Variants in EXOC7 observed in about 807,000 individuals in gnomAD.
The protein encoded by EXOC7 is exocyst complex component 7.
A neutral mutation model predicts 87.6 loss-of-function variants in EXOC7; 51 were observed. That is an observed-to-expected ratio of 0.58 (90% confidence interval 0.46 to 0.73). The LOEUF (loss-of-function observed/expected upper bound fraction) is 0.73. Among genes scored for constraint, EXOC7 ranks in the 30% least tolerant of loss-of-function variants. The pLI, the probability that EXOC7 is intolerant of heterozygous loss-of-function variation, is 0.00. For synonymous variants in EXOC7, 327 were observed against 357.1 expected, an observed-to-expected ratio of 0.92 and a Z score of 0.95; for missense variants, 744 against 888.4, an observed-to-expected ratio of 0.84 and a Z score of 2.07.
chr17:76,095,252 G>A (rs984610259), intron 5 of EXOC7, among the ~76,000 whole-genome samples: 3 of 151,242 alleles, frequency 2.0e-5, no homozygotes, highest in African/African-American at 4.9e-5. Flanking sequence ...ATGAGCCACC[G>A]CCCAGCCCTA....
In EXOC7 at chr17:76,103,357, T is replaced by A. The variant is rs1394467345; in HGVS notation, c.126+4A>T. ...CCCTCTCCCCCAGCTGCGGGGAGAC[T>A]CACCATGTTCTTAGTGAGCTGGTCG... On this transcript the variant is annotated splice_donor_region_variant and intron_variant, in intron 2 of 18. Transcript: ENST00000589210. 1.3e-6 allele frequency: 2 copies of A among 1,596,234 alleles called. No individual in the cohort carries two copies. The highest frequency in any genetic ancestry group is 3.5e-5 in the Admixed American group (2 of 57,642).
In EXOC7 at chr17:76,089,127, A is replaced by G. The variant is rs776964554; in HGVS notation, c.1047+48T>C. ...TTGAGGGCTGCAAGAGTCTGTTGTGACAGCTCTTGCTGGGGCTGGCTGCAG... is the reference window on the plus strand; with the variant it reads ...TTGAGGGCTGCAAGAGTCTGTTGTGGCAGCTCTTGCTGGGGCTGGCTGCAG... On this transcript the variant is annotated intron_variant, in intron 8 of 18. Coordinates refer to ENST00000589210, the MANE Select transcript of EXOC7 (RefSeq NM_001013839.4). 14 of 1,607,296 alleles carry G rather than the reference A, an allele frequency of 8.7e-6. No individual in the cohort carries two copies. The African/African-American group carries it at 1.9e-4, about 21-fold the overall frequency.
Position 76,103,446 on chromosome 17 carries a change from G to C in EXOC7, c.61-20C>G, listed in dbSNP as rs746426282. 13 of 1,589,182 alleles carry C rather than the reference G, an allele frequency of 8.2e-6. No individual in the cohort carries two copies. The African/African-American group carries it at 9.4e-5, about 11-fold the overall frequency. On this transcript the variant is annotated intron_variant, in intron 1 of 18. Transcript: ENST00000589210. Reference sequence around the variant, plus strand: ...CTCCTCCTGGGGGCAGGCAAGGGGAGGACATCACCAGAAACCAGAAGCTAA... The same window carrying C: ...CTCCTCCTGGGGGCAGGCAAGGGGACGACATCACCAGAAACCAGAAGCTAA...
chr17:76,082,633 G>A lies in EXOC7; in HGVS notation c.*1015C>T. 1.2e-6 allele frequency: 2 copies of A among 1,612,472 alleles called. No individual in the cohort carries two copies. The highest frequency in any genetic ancestry group is 1.7e-6 in the Non-Finnish European group (2 of 1,179,554). On this transcript the variant is annotated 3_prime_UTR_variant, in exon 19 of 19. Coordinates refer to ENST00000589210, the MANE Select transcript of EXOC7 (RefSeq NM_001013839.4). ...AGCCCCTGGAGAGGCTGCACCCCAT[G>A]GCAGGCGGCCTAGACTGTAAAGGGG...
chr17:76,082,317 G>A lies in EXOC7; in HGVS notation c.*1331C>T. 1 of 892,810 alleles carries A rather than the reference G, an allele frequency of 1.1e-6. No individual in the cohort carries two copies. The highest frequency in any genetic ancestry group is 1.7e-6 in the Non-Finnish European group (1 of 600,196). 55.3% of individuals were successfully genotyped at this position (892,810 alleles called of 1,614,324 possible). ...GAGGGTGTTTCTTCAACTGAAGATG[G>A]CCTGAAATGGGCCAGACCCAAATTT... On this transcript the variant is annotated 3_prime_UTR_variant, in exon 19 of 19. Transcript: ENST00000589210.
At chr17:76,099,897 G>GT (rs533690607) in intron 4 of EXOC7, among the ~76,000 whole-genome samples, 64 of 152,252 alleles carry the variant, frequency 4.2e-4, no homozygotes, top group Middle Eastern at 3.4e-3. Context: ...GAGGACAGTA[G>GT]TTTGAGACCA....
chr17:76,083,821 C>G (rs1428401420), intron 18 of EXOC7, 71 bp from the exon 19 acceptor site: 14 of 1,553,428 alleles, frequency 9.0e-6, no homozygotes, highest in African/African-American at 1.4e-5. Flanking sequence ...GCCTAAGGCA[C>G]TCCTGATAGT....
chr17:76,098,380 C>G (rs1275806281), intron 4 of EXOC7, among the ~76,000 whole-genome samples: 7 of 151,796 alleles, frequency 4.6e-5, no homozygotes, highest in African/African-American at 1.7e-4. Context: ...AGGTGATCCA[C>G]CCGCCTCAGC....
intron 4 of EXOC7, among the ~76,000 whole-genome samples, chr17:76,099,910 C>G (rs945864124): frequency 3.3e-5 from 5 of 152,112 alleles, no homozygotes; most frequent in Non-Finnish European, 7.3e-5. Flanking sequence ...TGAGACCAGC[C>G]TGAACAACAC....
In EXOC7 at chr17:76,082,036, T is replaced by C; in HGVS notation, c.*1612A>G. The C allele has an allele frequency of 1.2e-6, 2 of 1,608,396 alleles. No homozygotes were observed. Among genetic ancestry groups the C allele is most frequent in the South Asian group, 2.2e-5 (2 of 90,570 alleles). ...AGCGAGAGCACGGCAACCCAGGGCC[T>C]CATCCTGCTGAAGGTGGGCAGGGGC... On this transcript the variant is annotated 3_prime_UTR_variant, in exon 19 of 19. Coordinates refer to ENST00000589210, the MANE Select transcript of EXOC7 (RefSeq NM_001013839.4).
rs1012740720 is a variant in EXOC7 at position 76,083,543 on chromosome 17, G to C, written c.*105C>G. 5 of 1,127,864 alleles carry C rather than the reference G, an allele frequency of 4.4e-6. No homozygotes were observed. Among genetic ancestry groups the C allele is most frequent in the East Asian group, 4.7e-5 (2 of 42,412 alleles). 69.9% of individuals were successfully genotyped at this position (1,127,864 alleles called of 1,614,324 possible). A position where few individuals can be genotyped will look rare whatever the true frequency, so the allele number is the denominator to read the frequency against. On this transcript the variant is annotated 3_prime_UTR_variant, in exon 19 of 19. Coordinates refer to ENST00000589210, the MANE Select transcript of EXOC7 (RefSeq NM_001013839.4). Reference sequence around the variant, plus strand: ...CCCGGAGGCGTGGAGACAGGTCTCTGTCCCAGAGGACTTCAAGCTCACCCA... The same window carrying C: ...CCCGGAGGCGTGGAGACAGGTCTCTCTCCCAGAGGACTTCAAGCTCACCCA...
At chr17:76,087,565 T>TA in intron 12 of EXOC7, 89 bp downstream of exon 12, 1 of 1,313,710 alleles carries the variant, frequency 7.6e-7, no homozygotes, top group African/African-American at 1.5e-5. Flanking sequence ...AGACTGGAGA[T>TA]ACCTCCTCAC....
intron 7 of EXOC7, 197 bp from the exon 8 acceptor site, chr17:76,089,517 C>A (rs2067378445): frequency 3.2e-6 from 2 of 633,552 alleles, no homozygotes; most frequent in Non-Finnish European, 5.4e-6. Flanking sequence ...GAGCTGAGCC[C>A]AGCCTTTGTT....
chr17:76,092,291 G>GT (rs71363610), intron 6 of EXOC7: 5,858 of 101,332 alleles, frequency 0.058, 528 homozygotes, highest in East Asian at 0.26. Context: ...CAATTAGCTT[G>GT]TTTTTTTTTT....
chr17:76,090,825 G>A, intron 7 of EXOC7: 1 of 522,990 alleles, frequency 1.9e-6, no homozygotes. Context: ...GCCTGCCACT[G>A]CTGGTCTGAG....
intron 11 of EXOC7, 104 bp from the exon 12 acceptor site, chr17:76,087,824 C>G (rs2243481): frequency 7.8e-7 from 1 of 1,275,912 alleles, no homozygotes; most frequent in East Asian, 2.5e-5. Flanking sequence ...GGCTGGGATC[C>G]GCCCAGTGAA....
intron 9 of EXOC7, 76 bp downstream of exon 9, chr17:76,088,695 A>T: frequency 6.2e-7 from 1 of 1,604,210 alleles, no homozygotes; most frequent in South Asian, 1.1e-5. Context: ...GGGTTCTCCC[A>T]GGGAGGGATG....
At chr17:76,087,357 G>C in intron 12 of EXOC7, 2 of 477,222 alleles carry the variant, frequency 4.2e-6, no homozygotes, top group East Asian at 7.4e-5. Flanking sequence ...TGGGAGGGGG[G>C]CAGGGGCAGA....
Position 76,089,328 on chromosome 17 carries a change from A to T in EXOC7, c.902-8T>A. 6.2e-7 allele frequency: 1 copy of T among 1,613,484 alleles called. No individual in the cohort carries two copies. The highest frequency in any genetic ancestry group is 8.5e-7 in the Non-Finnish European group (1 of 1,179,772). ...CCAGCATGTCATCTCTCCCTGGGGGATGGCACAACTCTTGAGCTGCTGGTC... is the reference window on the plus strand; with the variant it reads ...CCAGCATGTCATCTCTCCCTGGGGGTTGGCACAACTCTTGAGCTGCTGGTC... On this transcript the variant is annotated splice_region_variant and splice_polypyrimidine_tract_variant and intron_variant, in intron 7 of 18. Coordinates refer to ENST00000589210, the MANE Select transcript of EXOC7 (RefSeq NM_001013839.4).
Sources: gnomAD v4.1 joint callset for allele counts (sites outside exome capture counted in the v4.1 genomes callset) on GRCh38, gnomAD v4.1.1 for gene constraint, MANE v1.5 for transcripts, NCBI Gene and HGNC (gene_info 2026-07-23, HGNC 2026-07-21) for gene names.